Variants in SLC18B1 observed in about 807,000 individuals in gnomAD.
SLC18B1 encodes MFS-type transporter SLC18B1.
A neutral mutation model predicts 53.9 loss-of-function variants in SLC18B1; 62 were observed. The ratio of observed to expected loss-of-function variants is 1.15; its 90% CI spans 0.94 to 1.42. The LOEUF (loss-of-function observed/expected upper bound fraction) is 1.42. Ranked by LOEUF, SLC18B1 falls within the 40% of genes most tolerant of loss-of-function variation. The pLI is 0.00. For synonymous variants in SLC18B1, 217 were observed against 200.9 expected, an observed-to-expected ratio of 1.08 and a Z score of -0.68; for missense variants, 598 against 547.3, an observed-to-expected ratio of 1.09 and a Z score of -0.93.
intron 6 of SLC18B1, among the ~76,000 whole-genome samples, chr6:132,780,569 T>G (rs904103018): frequency 8.4e-5 from 12 of 143,696 alleles, no homozygotes; most frequent in Non-Finnish European, 1.8e-4. Flanking sequence ...GTGTTAGTTT[T>G]TTTTTTTTTT....
chr6:132,770,076 A>C lies in SLC18B1; in HGVS notation c.*194T>G. The stretch of plus-strand genomic sequence containing the variant: ...TTAATATTTCAAATATAGCTGCTTC[A>C]GCAGGACAGCTTTTCAGTATCACAG... On this transcript the variant is annotated 3_prime_UTR_variant, in exon 14 of 14. Coordinates refer to ENST00000275227, the MANE Select transcript of SLC18B1 (RefSeq NM_052831.3). 1 of 421,552 alleles carries C rather than the reference A, an allele frequency of 2.4e-6. No individual in the cohort carries two copies. Among genetic ancestry groups the C allele is most frequent in the Non-Finnish European group, 4.3e-6 (1 of 235,026 alleles). 26.1% of individuals were successfully genotyped at this position (421,552 alleles called of 1,614,324 possible). A position where few individuals can be genotyped will look rare whatever the true frequency, so the allele number is the denominator to read the frequency against.
chr6:132,783,937 A>T lies in SLC18B1; in HGVS notation c.654T>A (p.Asn218Lys), dbSNP rs542007389. Residue 218 changes from asparagine (N) to lysine (K), a missense_variant, in exon 6 of 14, where the codon AAT (asparagine) becomes AAA (lysine). Physicochemically the swap from Asn to Lys is moderately conservative, Grantham distance 94. Coordinates refer to ENST00000275227, the MANE Select transcript of SLC18B1 (RefSeq NM_052831.3). ...GAGTAATAAGTGTGGACTTACCGTA[A>T]TTGGGTAAAATATACATATTGAGTG... is the stretch of plus-strand genomic sequence containing the variant. ...MVPLNMYILP[N>K]YESDPGEHSF... The T allele has an allele frequency of 6.4e-5, 101 of 1,587,412 alleles. 2 individuals are homozygous for T. In the South Asian group the frequency reaches 1.1e-3, roughly 17 times the overall value.
intron 5 of SLC18B1, 124 bp downstream of exon 5, chr6:132,787,310 G>C (rs1294383569): frequency 1.1e-6 from 1 of 920,892 alleles, no homozygotes; most frequent in African/African-American, 1.8e-5. Context: ...GGGGTGAAAG[G>C]CAACAATAAT....
chr6:132,782,377 C>G (rs984048527), intron 6 of SLC18B1, among the ~76,000 whole-genome samples: 1 of 152,058 alleles, frequency 6.6e-6, no homozygotes, highest in Non-Finnish European at 1.5e-5. Flanking sequence ...TTAACACATG[C>G]TTTGCCTCAC....
intron 4 of SLC18B1, among the ~76,000 whole-genome samples, chr6:132,788,175 GA>G (rs11326475): frequency 0.18 from 20,677 of 111,978 alleles, 2,871 homozygotes; most frequent in African/African-American, 0.42. Context: ...AAAAGAAAAA[GA>G]AAAAAAAAAA....
At chr6:132,777,622 G>A (rs1282182381) in intron 7 of SLC18B1, among the ~76,000 whole-genome samples, 1 of 152,210 alleles carries the variant, frequency 6.6e-6, no homozygotes, top group Non-Finnish European at 1.5e-5. Context: ...GCTGAGGCAG[G>A]AGAATTGCTT....
chr6:132,776,257 C>G lies in SLC18B1; in HGVS notation c.897+71G>C, dbSNP rs1781095796. On this transcript the variant is annotated intron_variant, in intron 8 of 13. Coordinates refer to ENST00000275227, the MANE Select transcript of SLC18B1 (RefSeq NM_052831.3). ...TCTAACCAGTGGAATCCTAGAGTTC[C>G]AAAGGAACAGTTGGAAAACCACTGC... 30 of 1,233,520 alleles carry G rather than the reference C, an allele frequency of 2.4e-5. No homozygotes were observed. In the South Asian group the frequency reaches 3.8e-4, roughly 16 times the overall value. 76.4% of individuals were successfully genotyped at this position (1,233,520 alleles called of 1,614,324 possible).
chr6:132,787,359 C>G, intron 5 of SLC18B1, 75 bp downstream of exon 5: 2 of 1,391,370 alleles, frequency 1.4e-6, no homozygotes, highest in Non-Finnish European at 1.9e-6. Flanking sequence ...AGAATGGACC[C>G]CAGCTTTAAC....
At chr6:132,779,119 T>A (rs1356423834) in intron 7 of SLC18B1, 149 bp downstream of exon 7, 7 of 767,048 alleles carry the variant, frequency 9.1e-6, no homozygotes. Context: ...ACAGGGACGG[T>A]AGAGAGGGAC....
At chr6:132,792,562 C>T (rs1004789634) in intron 2 of SLC18B1, among the ~76,000 whole-genome samples, 2 of 151,974 alleles carry the variant, frequency 1.3e-5, no homozygotes, top group African/African-American at 4.8e-5. Context: ...TTATTAAGTG[C>T]CGTTTTACAT....
intron 5 of SLC18B1, among the ~76,000 whole-genome samples, chr6:132,786,517 C>G (rs984527087): frequency 6.1e-5 from 9 of 146,740 alleles, no homozygotes; most frequent in African/African-American, 1.8e-4. Flanking sequence ...CCACTGCACT[C>G]CAGCCTGGGC....
chr6:132,785,722 C>A (rs1043218198), intron 5 of SLC18B1, among the ~76,000 whole-genome samples: 3 of 151,722 alleles, frequency 2.0e-5, no homozygotes, highest in African/African-American at 7.3e-5. Flanking sequence ...CCAGAGTGTT[C>A]CACAGAATAC....
intron 5 of SLC18B1, among the ~76,000 whole-genome samples, chr6:132,784,986 T>C (rs1369512942): frequency 1.3e-5 from 2 of 151,272 alleles, no homozygotes; most frequent in Admixed American, 1.3e-4. Flanking sequence ...GTACATATGG[T>C]ATTGCTACCA....
intron 7 of SLC18B1, 137 bp from the exon 8 acceptor site, chr6:132,776,566 C>A: frequency 1.6e-6 from 1 of 631,942 alleles, no homozygotes; most frequent in South Asian, 2.2e-5. Flanking sequence ...TAATTTTCAT[C>A]TTACCTTTGA....
chr6:132,770,755 A>G (rs1780948525), intron 13 of SLC18B1, 135 bp downstream of exon 13: 4 of 852,550 alleles, frequency 4.7e-6, no homozygotes, highest in Admixed American at 2.5e-5. Flanking sequence ...AAATTAAAAA[A>G]GTATCTACCA....
chr6:132,778,078 C>G (rs1487446953), intron 7 of SLC18B1, among the ~76,000 whole-genome samples: 4 of 152,100 alleles, frequency 2.6e-5, no homozygotes, highest in Non-Finnish European at 5.9e-5. Context: ...AGGTGGTTAT[C>G]TCTTGCGGGC....
At chr6:132,793,832 C>T (rs958351097) in intron 2 of SLC18B1, among the ~76,000 whole-genome samples, 5 of 152,174 alleles carry the variant, frequency 3.3e-5, no homozygotes, top group African/African-American at 1.2e-4. Context: ...CTATAGTCCT[C>T]GGTAAGACTT....
chr6:132,771,161 A>T (rs1562261150), intron 11 of SLC18B1, 32 bp from the exon 12 acceptor site: 14 of 1,572,362 alleles, frequency 8.9e-6, no homozygotes, highest in African/African-American at 1.4e-5. Context: ...AGTATTCAAT[A>T]GTGCAAAAAA....
chr6:132,772,447 T>G (rs1272027871), intron 10 of SLC18B1, among the ~76,000 whole-genome samples: 1 of 152,164 alleles, frequency 6.6e-6, no homozygotes, highest in African/African-American at 2.4e-5. Context: ...GAAGCATGGC[T>G]CATTTGCATT....
Sources: allele counts gnomAD v4.1 joint callset (sites outside exome capture counted in the v4.1 genomes callset), GRCh38; gene constraint gnomAD v4.1.1; transcripts MANE v1.5; gene names NCBI Gene and HGNC (gene_info 2026-07-23, HGNC 2026-07-21).